The following PIK3AP1 variants were observed in gnomAD, a reference collection of about 807,000 sequenced individuals.
The protein encoded by PIK3AP1 is phosphoinositide-3-kinase adaptor protein 1.
A neutral mutation model predicts 88.1 loss-of-function variants in PIK3AP1; 21 were observed. The ratio of observed to expected loss-of-function variants is 0.24; its 90% CI spans 0.17 to 0.34. The LOEUF (loss-of-function observed/expected upper bound fraction) is 0.34. PIK3AP1 is among the 10% of genes least tolerant of loss of function. PIK3AP1 has a pLI of 1.00. For synonymous variants in PIK3AP1, 398 were observed against 400.0 expected, an observed-to-expected ratio of 1.00 and a Z score of 0.06; for missense variants, 828 against 1,035.7, an observed-to-expected ratio of 0.80 and a Z score of 2.75.
At chr10:96,670,215 A>G (rs537492940) in intron 2 of PIK3AP1, among the ~76,000 whole-genome samples, 2 of 151,986 alleles carry the variant, frequency 1.3e-5, no homozygotes, top group South Asian at 4.2e-4. Flanking sequence ...CACATGAAAA[A>G]TTCAGAAGTT....
In PIK3AP1 at chr10:96,602,329, T is replaced by C. The variant is rs149381805; in HGVS notation, c.2311A>G (p.Met771Val). The change falls in exon 16 of 17, where the codon ATG becomes GTG. Residue 771 changes from methionine (M) to valine (V), a missense_variant. Transcript: ENST00000339364. ...GPPQVDGTPT[M>V]SLERPPRVPP... ...ACCCTGGGGGGTCTCTCGAGGGACA[T>C]GGTGGGTGTCCCATCCACTTGTGGG... 31 of 1,611,430 alleles carry C rather than the reference T, an allele frequency of 1.9e-5. No homozygotes were observed. Among genetic ancestry groups the C allele is most frequent in the Middle Eastern group, 1.6e-4 (1 of 6,062 alleles).
At chr10:96,654,066 G>A (rs972148258) in intron 3 of PIK3AP1, among the ~76,000 whole-genome samples, 3 of 152,090 alleles carry the variant, frequency 2.0e-5, no homozygotes, top group African/African-American at 4.8e-5. Flanking sequence ...GGTGACACCC[G>A]TGCACTTTGC....
chr10:96,677,718 C>T (rs1045287117), intron 2 of PIK3AP1, among the ~76,000 whole-genome samples: 12 of 152,068 alleles, frequency 7.9e-5, no homozygotes, highest in African/African-American at 2.7e-4. Context: ...AACACACTTT[C>T]CGGTTTAGAA....
At chr10:96,718,695 TGGAAAAGA>T (rs1383263849) in intron 1 of PIK3AP1, among the ~76,000 whole-genome samples, 2 of 152,124 alleles carry the variant, frequency 1.3e-5, no homozygotes, top group Non-Finnish European at 2.9e-5. Context: ...CACAGGACGC[TGGAAAAGA>T]GGAAAAGAGA....
At chr10:96,645,368 G>T (rs549399990) in intron 8 of PIK3AP1, 105 bp downstream of exon 8, 2 of 1,129,902 alleles carry the variant, frequency 1.8e-6, no homozygotes, top group Non-Finnish European at 2.5e-6. Context: ...TCTCTCTGGG[G>T]TGAAGTGAGG....
At chr10:96,674,207 T>G (rs1443048223) in intron 2 of PIK3AP1, among the ~76,000 whole-genome samples, 1 of 152,196 alleles carries the variant, frequency 6.6e-6, no homozygotes, top group Admixed American at 6.5e-5. Context: ...TCAGGGCTAT[T>G]AAGGCCAAGA....
At chr10:96,665,797 G>A (rs1194199482) in intron 2 of PIK3AP1, among the ~76,000 whole-genome samples, 4 of 152,190 alleles carry the variant, frequency 2.6e-5, no homozygotes, top group Middle Eastern at 3.2e-3. Flanking sequence ...ATGGAAATGA[G>A]ACATTTGTGC....
chr10:96,622,087 G>A (rs1208103092), intron 11 of PIK3AP1, among the ~76,000 whole-genome samples: 1 of 152,216 alleles, frequency 6.6e-6, no homozygotes, highest in Non-Finnish European at 1.5e-5. Context: ...AGCAGCATGA[G>A]GCACAGTGAT....
intron 8 of PIK3AP1, chr10:96,632,841 C>G (rs1843262838): frequency 1.2e-6 from 2 of 1,601,436 alleles, no homozygotes; most frequent in Non-Finnish European, 1.7e-6. Flanking sequence ...ATCCACCAGT[C>G]CAACACCAAC....
intron 12 of PIK3AP1, among the ~76,000 whole-genome samples, chr10:96,619,130 A>G (rs1843040269): frequency 6.6e-6 from 1 of 152,192 alleles, no homozygotes; most frequent in South Asian, 2.1e-4. Flanking sequence ...AGTAATACTT[A>G]TTTCATATGC....
chr10:96,625,808 G>A (rs1006578376), intron 10 of PIK3AP1, among the ~76,000 whole-genome samples: 24 of 152,154 alleles, frequency 1.6e-4, no homozygotes, highest in African/African-American at 5.8e-4. Flanking sequence ...GAATGCAGTG[G>A]CTCAATCTCG....
chr10:96,698,319 G>A (rs571166580), intron 2 of PIK3AP1, among the ~76,000 whole-genome samples: 40 of 152,134 alleles, frequency 2.6e-4, no homozygotes, highest in African/African-American at 9.4e-4. Flanking sequence ...GAGTGGGAAG[G>A]AAAAACAAGA....
intron 1 of PIK3AP1, among the ~76,000 whole-genome samples, chr10:96,713,394 C>G (rs1844462906): frequency 6.6e-6 from 1 of 151,092 alleles, no homozygotes; most frequent in Non-Finnish European, 1.5e-5. Flanking sequence ...GTCCCAGCTA[C>G]TCAGGAGGCT....
chr10:96,713,444 C>A (rs1272038152), intron 1 of PIK3AP1, among the ~76,000 whole-genome samples: 1 of 144,236 alleles, frequency 6.9e-6, no homozygotes, highest in Admixed American at 7.3e-5. Flanking sequence ...GCGGAGCTTG[C>A]AGTGAGCCGA....
intron 8 of PIK3AP1, among the ~76,000 whole-genome samples, chr10:96,628,887 T>TATACACACACAC (rs1564961201): frequency 2.4e-5 from 1 of 40,964 alleles, no homozygotes; most frequent in African/African-American, 9.5e-5. Flanking sequence ...TATATATATA[T>TATACACACACAC]ACATATATAT....
At chr10:96,689,064 G>C (rs916041471) in intron 2 of PIK3AP1, among the ~76,000 whole-genome samples, 1 of 152,026 alleles carries the variant, frequency 6.6e-6, no homozygotes, top group Non-Finnish European at 1.5e-5. Flanking sequence ...AATGGGTAAG[G>C]CTCTTACCAC....
intron 2 of PIK3AP1, among the ~76,000 whole-genome samples, chr10:96,681,978 A>G (rs894669445): frequency 4.4e-5 from 6 of 136,196 alleles, no homozygotes; most frequent in East Asian, 2.2e-4. Flanking sequence ...ATATGCATAC[A>G]TAAATATATG....
chr10:96,650,400 A>G (rs1843520692), intron 6 of PIK3AP1, among the ~76,000 whole-genome samples: 1 of 152,184 alleles, frequency 6.6e-6, no homozygotes, highest in South Asian at 2.1e-4. Context: ...AACACCAAGC[A>G]TCATCCCCGT....
intron 2 of PIK3AP1, among the ~76,000 whole-genome samples, chr10:96,663,064 T>C (rs1843714588): frequency 6.6e-6 from 1 of 152,100 alleles, no homozygotes; most frequent in Admixed American, 6.6e-5. Context: ...AATTATATGA[T>C]TCCAAATATA....
Sources: allele counts gnomAD v4.1 joint callset (sites outside exome capture counted in the v4.1 genomes callset), GRCh38; gene constraint gnomAD v4.1.1; transcripts MANE v1.5; gene names NCBI Gene and HGNC (gene_info 2026-07-23, HGNC 2026-07-21).